NCAPH2: variants seen among roughly 807,000 people sequenced by gnomAD.
NCAPH2 encodes condensin-2 complex subunit H2.
A neutral mutation model predicts 88.6 loss-of-function variants in NCAPH2; 56 were observed. That is an observed-to-expected ratio of 0.63 (90% CI 0.51 to 0.79). The LOEUF (loss-of-function observed/expected upper bound fraction) is 0.79. Among genes scored for constraint, NCAPH2 ranks in the 30% least tolerant of loss-of-function variants. NCAPH2 has a pLI of 0.00. For synonymous variants in NCAPH2, 378 were observed against 313.6 expected, an observed-to-expected ratio of 1.21 and a Z score of -2.17; for missense variants, 794 against 792.0, an observed-to-expected ratio of 1.00 and a Z score of -0.03.
At chr22:50,518,837 C>A in intron 8 of NCAPH2, 105 bp downstream of exon 8, 2 of 1,118,122 alleles carry the variant, frequency 1.8e-6, no homozygotes, top group Non-Finnish European at 2.5e-6. Flanking sequence ...CAGCTGCCAG[C>A]CTCATGCCCC....
rs370072698 is a variant in NCAPH2, at chr22:50,511,580, C to T, written c.108+3135C>T. Among the ~76,000 whole-genome samples, 22 of 142,996 alleles carry T rather than the reference C, an allele frequency of 1.5e-4. 2 individuals are homozygous for T. The highest frequency in any genetic ancestry group is 5.1e-4 in the African/African-American group (17 of 33,414). 93.8% of individuals were successfully genotyped at this position (142,996 alleles called of 152,430 possible). ...TGCTGGGATTACAGGCCTGAGCCAC[C>T]GCGTCCGATCCTGCCTCAGCCTCTT... On this transcript the variant is annotated intron_variant, in intron 1 of 19. Transcript: ENST00000420993.
Position 50,521,844 on chromosome 22 carries a change from TGCCTG to T in NCAPH2, c.1105_1108+1del. ...AGGACTTCCACCAGTGGTACCTGGC[TGCCTG>T]TGAGTGGGTGTGGTGTGCACTCCGG... On this transcript the variant is annotated splice_donor_variant and coding_sequence_variant, in exon 12 of 20. Transcript: ENST00000420993. LOFTEE classifies it high-confidence loss of function. The T allele has an allele frequency of 6.2e-7, 1 of 1,613,914 alleles. No homozygotes were observed. Among genetic ancestry groups the T allele is most frequent in the Non-Finnish European group, 8.5e-7 (1 of 1,180,028 alleles).
chr22:50,516,330 A>C, intron 1 of NCAPH2, 117 bp from the exon 2 acceptor site: 2 of 840,714 alleles, frequency 2.4e-6, no homozygotes, highest in Non-Finnish European at 3.9e-6. Flanking sequence ...CAGCATAGCT[A>C]GAGCTGCCCG....
chr22:50,523,041 C>A lies in NCAPH2; in HGVS notation c.1552C>A (p.His518Asn). The A allele has an allele frequency of 6.2e-7, 1 of 1,601,392 alleles. No homozygotes were observed. The highest frequency in any genetic ancestry group is 8.5e-7 in the Non-Finnish European group (1 of 1,171,628). Residue 518 changes from histidine to asparagine, a missense_variant, in exon 19 of 20, where the codon CAC becomes AAC. Around this residue, in one of 2 missense-constraint regions of NCAPH2, gnomAD observed 735 missense variants for 696.3 expected, o/e 1.06. Coordinates refer to ENST00000420993, the MANE Select transcript of NCAPH2 (RefSeq NM_152299.4). Reference sequence around the variant, plus strand: ...GGAGCAGCATGTGCCCTTTGACATCCACACCTATGGGGACCAGCTGGTCTC... The same window carrying A: ...GGAGCAGCATGTGCCCTTTGACATCAACACCTATGGGGACCAGCTGGTCTC... ...EQEQHVPFDI[H>N]TYGDQLVSRF... is the part of the protein sequence containing the mutation.
rs1289392712 is a variant in NCAPH2 at position 50,523,653 on chromosome 22, A to G, written c.*278A>G. On this transcript the variant is annotated 3_prime_UTR_variant, in exon 20 of 20. Coordinates refer to ENST00000420993, the MANE Select transcript of NCAPH2 (RefSeq NM_152299.4). ...GGAAAGCCGCCATGTGCCGCCGCAC[A>G]CTGTCTGAGATCTGCTCAGCCGATC... 59 of 1,613,870 alleles carry G rather than the reference A, an allele frequency of 3.7e-5. No individual in the cohort carries two copies. Among genetic ancestry groups the G allele is most frequent in the East Asian group, 1.6e-4 (7 of 44,896 alleles).
At chr22:50,522,287 C>A (rs375380718) in intron 14 of NCAPH2, 36 bp downstream of exon 14, 14 of 1,608,802 alleles carry the variant, frequency 8.7e-6, no homozygotes, top group Middle Eastern at 3.3e-4. Context: ...TCTAGGACCC[C>A]GTGGTGGCCC....
In NCAPH2 at chr22:50,518,046, T is replaced by C. The variant is rs769813349; in HGVS notation, c.494T>C (p.Leu165Pro). The C allele has an allele frequency of 2.8e-5, 45 of 1,613,994 alleles. No individual in the cohort carries two copies. The highest frequency in any genetic ancestry group is 3.8e-5 in the Non-Finnish European group (45 of 1,179,962). ...PDEMEKNNNP[L>P]YSRQGEVLAS... ...GAAATGGAGAAGAACAACAATCCCC[T>C]GTACAGGTAGGGATCTGAGCCCAGC... Residue 165 changes from leucine (L) to proline (P), a missense_variant, in exon 6 of 20, where the codon CTG (leucine) becomes CCG (proline). Leu to Pro is a moderately conservative substitution (Grantham distance 98, BLOSUM62 -3). This residue lies in a region of NCAPH2 where 735 missense variants were observed against 696.3 expected (regional missense o/e 1.06). Coordinates refer to ENST00000420993, the MANE Select transcript of NCAPH2 (RefSeq NM_152299.4).
In NCAPH2 at chr22:50,522,521, G is replaced by T; in HGVS notation, c.1327G>T (p.Glu443Ter). The T allele has an allele frequency of 1.9e-6, 3 of 1,613,812 alleles. No individual in the cohort carries two copies. Among genetic ancestry groups the T allele is most frequent in the Non-Finnish European group, 2.5e-6 (3 of 1,180,000 alleles). Reference protein sequence around the residue: ...GAADDFLEPEEYMEPEGADPR... With the variant: ...GAADDFLEPE ...AGCAGATGACTTTCTAGAGCCTGAG[G>T]AGTACATGGAGCCCGAGGGAGCAGA... The change falls in exon 16 of 20, where the codon GAG becomes TAG. Residue 443 changes from glutamate (E) to a stop codon, truncating the protein, a stop_gained. Coordinates refer to ENST00000420993, the MANE Select transcript of NCAPH2 (RefSeq NM_152299.4). LOFTEE classifies it high-confidence loss of function.
chr22:50,511,169 TG>T (rs1218388354), intron 1 of NCAPH2, among the ~76,000 whole-genome samples: 1 of 150,762 alleles, frequency 6.6e-6, no homozygotes, highest in African/African-American at 2.4e-5. Context: ...TTTATTTATA[TG>T]TTTTTTTTTT....
Position 50,523,005 on chromosome 22 carries a change from T to C in NCAPH2, c.1528-12T>C. On this transcript the variant is annotated splice_polypyrimidine_tract_variant and intron_variant, in intron 18 of 19. Transcript: ENST00000420993. ...CCTCTCTCCGCAGCCAACATGCCCC[T>C]CCCCTGTGCAGGAGCAGCATGTGCC... 1 of 1,604,582 alleles carries C rather than the reference T, an allele frequency of 6.2e-7. No homozygotes were observed. The highest frequency in any genetic ancestry group is 1.1e-5 in the South Asian group (1 of 90,526).
rs939805765 is a variant in NCAPH2 at position 50,508,283 on chromosome 22, C to G, written c.-55C>G. The G allele has an allele frequency of 2.9e-5, 38 of 1,325,680 alleles. No individual in the cohort carries two copies. Among genetic ancestry groups the G allele is most frequent in the Admixed American group, 1.3e-4 (4 of 30,978 alleles). The allele number at this position is 1,325,680 out of a possible 1,614,324, so 82.1% of individuals were successfully genotyped here. ...AGAACTAGTGGCGGGCTGAGGACGC[C>G]GTACCCCTCGGAAGGCAGCCCTGCG... On this transcript the variant is annotated 5_prime_UTR_variant, in exon 1 of 20. Transcript: ENST00000420993.
chr22:50,518,734 T>C lies in NCAPH2; in HGVS notation c.730+2T>C, dbSNP rs2068999596. 1 of 1,602,134 alleles carries C rather than the reference T, an allele frequency of 6.2e-7. No homozygotes were observed. The highest frequency in any genetic ancestry group is 8.5e-7 in the Non-Finnish European group (1 of 1,175,560). On this transcript the variant is annotated splice_donor_variant, in intron 8 of 19. Coordinates refer to ENST00000420993, the MANE Select transcript of NCAPH2 (RefSeq NM_152299.4). LOFTEE classifies it high-confidence loss of function. The stretch of plus-strand genomic sequence containing the variant: ...CACTCGGCTTCTCCCAGGAGCCAGG[T>C]GAGAAGAGAGCTCCCCGGTGGGACT...
intron 10 of NCAPH2, 64 bp from the exon 11 acceptor site, chr22:50,521,479 T>C: frequency 6.5e-7 from 1 of 1,545,008 alleles, no homozygotes; most frequent in Non-Finnish European, 8.9e-7. Flanking sequence ...CATCCCCTAC[T>C]CCTTTGGGAG....
rs1395212626 is a variant in NCAPH2, at chr22:50,523,141, G to A, written c.1652G>A (p.Arg551His). 3.1e-6 allele frequency: 5 copies of A among 1,613,726 alleles called. No homozygotes were observed. The highest frequency in any genetic ancestry group is 1.7e-5 in the Admixed American group (1 of 59,964). Residue 551 changes from arginine (R) to histidine (H), a missense_variant, in exon 19 of 20, where the codon CGT becomes CAT. By Grantham distance (29) the Arg-to-His change is conservative. Coordinates refer to ENST00000420993, the MANE Select transcript of NCAPH2 (RefSeq NM_152299.4). ...VAGQPAFEVC[R>H]SMLASLQLAN... The stretch of plus-strand genomic sequence containing the variant: ...GGCCAGCCGGCCTTCGAGGTGTGTC[G>A]TTCCATGCTGGCCTCCCTGCAGCTG...
rs182184875 is a variant in NCAPH2 at position 50,515,592 on chromosome 22, T to C, written c.109-855T>C. ...TTTGTATTTTTAGTAGAGACGAGGTTTCACCGTGTTAGCCAGGATGGTCTC... is the reference window on the plus strand; with the variant it reads ...TTTGTATTTTTAGTAGAGACGAGGTCTCACCGTGTTAGCCAGGATGGTCTC... On this transcript the variant is annotated intron_variant, in intron 1 of 19. Transcript: ENST00000420993. 1.3e-3 allele frequency: 829 copies of C among 615,344 alleles called. 8 individuals carry two copies. The African/African-American group carries it at 0.015, about 11-fold the overall frequency. The allele number at this position is 615,344 out of a possible 1,614,324, so 38.1% of individuals were successfully genotyped here.
At position 50,508,256 on chromosome 22, in the gene NCAPH2, C is replaced by T. The variant is rs2068679000; in HGVS notation, c.-82C>T. 8.4e-6 allele frequency: 9 copies of T among 1,071,810 alleles called. No homozygotes were observed. Among genetic ancestry groups the T allele is most frequent in the Middle Eastern group, 2.7e-4 (1 of 3,684 alleles). The allele number at this position is 1,071,810 out of a possible 1,614,324, so 66.4% of individuals were successfully genotyped here. On this transcript the variant is annotated 5_prime_UTR_variant, in exon 1 of 20. Transcript: ENST00000420993. Reference sequence around the variant, plus strand: ...CCTGGGCGGGAACAGCAAAATGGCGCCAGAACTAGTGGCGGGCTGAGGACG... The same window carrying T: ...CCTGGGCGGGAACAGCAAAATGGCGTCAGAACTAGTGGCGGGCTGAGGACG...
Position 50,522,413 on chromosome 22 carries a change from C to T in NCAPH2, c.1304C>T (p.Ala435Val). 9 of 1,610,786 alleles carry T rather than the reference C, an allele frequency of 5.6e-6. No individual in the cohort carries two copies. The highest frequency in any genetic ancestry group is 7.6e-6 in the Non-Finnish European group (9 of 1,178,446). Residue 435 changes from alanine (A) to valine (V), a missense_variant and splice_region_variant, in exon 15 of 20, where the codon GCA becomes GTA. By Grantham distance (64) the Ala-to-Val change is moderately conservative. This residue lies in a region of NCAPH2 where 735 missense variants were observed against 696.3 expected (regional missense o/e 1.06). Transcript: ENST00000420993. ...LEDSLEDLGA[A>V]DDFLEPEEYM... ...GATTCCCTGGAAGACCTGGGGGCAGCAGGTGGGTGCCTGCCAGGGGGTGGG... is the reference window on the plus strand; with the variant it reads ...GATTCCCTGGAAGACCTGGGGGCAGTAGGTGGGTGCCTGCCAGGGGGTGGG...
rs368831999 is a variant in NCAPH2, at chr22:50,524,291, G to A, written c.*916G>A. On this transcript the variant is annotated 3_prime_UTR_variant, in exon 20 of 20. Transcript: ENST00000420993. ...TGCCCACCTGTCTCTGCAGGGCCCTGCCTTGACAAAAGCCAGGACCTCAGA... is the reference window on the plus strand; with the variant it reads ...TGCCCACCTGTCTCTGCAGGGCCCTACCTTGACAAAAGCCAGGACCTCAGA... 3.1e-6 allele frequency: 5 copies of A among 1,603,120 alleles called. No individual in the cohort carries two copies. The African/African-American group carries it at 4.0e-5, about 13-fold the overall frequency.
intron 1 of NCAPH2, among the ~76,000 whole-genome samples, chr22:50,509,114 C>T (rs2068713792): frequency 6.6e-6 from 1 of 151,990 alleles, no homozygotes; most frequent in South Asian, 2.1e-4. Context: ...ATTTTTTTTC[C>T]CTATTTCATT....
Sources: allele counts gnomAD v4.1 joint callset (sites outside exome capture counted in the v4.1 genomes callset), GRCh38; gene constraint gnomAD v4.1.1; regional missense constraint gnomAD v4.1.1; transcripts MANE v1.5; gene names NCBI Gene and HGNC (gene_info 2026-07-23, HGNC 2026-07-21).